The following CEP112 variants were observed in gnomAD, a reference collection of about 807,000 sequenced individuals.
CEP112 encodes the protein centrosomal protein of 112 kDa.
Under a neutral mutation model 153.0 loss-of-function variants are expected in CEP112, and 127 were observed. The ratio of observed to expected loss-of-function variants is 0.83; its 90% CI spans 0.72 to 0.96. The LOEUF is 0.96. Ranked by LOEUF, CEP112 falls within the 40% of genes least tolerant of loss-of-function variation. The pLI, the probability that CEP112 is intolerant of heterozygous loss-of-function variation, is 0.00. For synonymous variants in CEP112, 358 were observed against 374.4 expected (o/e 0.96, Z 0.51); for missense variants, 1,089 against 1,101.2 (o/e 0.99, Z 0.16).
At chr17:65,906,412 T>TATAATA (rs922621341) in intron 19 of CEP112, among the ~76,000 whole-genome samples, 1 of 151,464 alleles carries the variant, frequency 6.6e-6, no homozygotes, top group African/African-American at 2.4e-5. Context: ...GAACTTAAAG[T>TATAATA]ATAATAATAA....
chr17:65,816,081 G>T (rs1016415904), intron 21 of CEP112, among the ~76,000 whole-genome samples: 1 of 151,934 alleles, frequency 6.6e-6, no homozygotes, highest in Non-Finnish European at 1.5e-5. Flanking sequence ...AAATAATATG[G>T]TCTGTCATCA....
At chr17:66,106,944 T>G (rs2068808772) in intron 6 of CEP112, among the ~76,000 whole-genome samples, 1 of 152,010 alleles carries the variant, frequency 6.6e-6, no homozygotes, top group Admixed American at 6.6e-5. Context: ...AAATCATTCA[T>G]CATGACCAAG....
chr17:65,817,871 C>A (rs570324985), intron 21 of CEP112, among the ~76,000 whole-genome samples: 1 of 151,846 alleles, frequency 6.6e-6, no homozygotes, highest in South Asian at 2.1e-4. Flanking sequence ...ATTTGCTTAC[C>A]CCAGGTAAGC....
At position 65,888,887 on chromosome 17, in the gene CEP112, C is replaced by T. The variant is rs536395793; in HGVS notation, c.2163+13265G>A. On this transcript the variant is annotated intron_variant, in intron 20 of 26. Transcript: ENST00000535342. The stretch of plus-strand genomic sequence containing the variant: ...TTAGCTGATCCAAGATATGTTCTCC[C>T]GCTGATCAGCTCCTCAAACTCTTGG... Among the ~76,000 whole-genome samples, 6 of 152,218 alleles carry T rather than the reference C, an allele frequency of 3.9e-5. No individual in the cohort carries two copies. In the East Asian group the frequency reaches 7.7e-4, roughly 20 times the overall value.
chr17:66,107,860 T>A (rs2068852106), intron 6 of CEP112, among the ~76,000 whole-genome samples: 1 of 151,770 alleles, frequency 6.6e-6, no homozygotes, highest in African/African-American at 2.4e-5. Context: ...GCAAAAAGAA[T>A]AAAACTGGAG....
intron 12 of CEP112, among the ~76,000 whole-genome samples, chr17:66,048,686 T>C (rs1349415279): frequency 6.6e-6 from 1 of 152,022 alleles, no homozygotes; most frequent in African/African-American, 2.4e-5. Context: ...CTCGGCTCAC[T>C]GTAACCTCTG....
At chr17:65,753,515 G>C (rs2052020237) in intron 21 of CEP112, among the ~76,000 whole-genome samples, 1 of 152,052 alleles carries the variant, frequency 6.6e-6, no homozygotes, top group African/African-American at 2.4e-5. Flanking sequence ...GTTTCTTCCA[G>C]AATAGAGAGG....
At chr17:65,800,878 T>C (rs1452889145) in intron 21 of CEP112, among the ~76,000 whole-genome samples, 1 of 152,184 alleles carries the variant, frequency 6.6e-6, no homozygotes, top group Non-Finnish European at 1.5e-5. Flanking sequence ...TGAGCATCAG[T>C]GGTGTTGATC....
chr17:66,175,437 C>T (rs1276800405), intron 3 of CEP112, among the ~76,000 whole-genome samples: 1 of 152,036 alleles, frequency 6.6e-6, no homozygotes, highest in Non-Finnish European at 1.5e-5. Flanking sequence ...CTAAGAAATA[C>T]AATAAACAGA....
intron 24 of CEP112, among the ~76,000 whole-genome samples, chr17:65,669,884 CAG>C (rs2046893283): frequency 7.2e-6 from 1 of 138,012 alleles, no homozygotes; most frequent in South Asian, 2.2e-4. Context: ...GCCTGGGCGA[CAG>C]AGCGAGACTT....
At chr17:65,898,549 C>A (rs1032385617) in intron 20 of CEP112, among the ~76,000 whole-genome samples, 1 of 152,086 alleles carries the variant, frequency 6.6e-6, no homozygotes, top group African/African-American at 2.4e-5. Context: ...TCAAGATAAT[C>A]TGTCCATTTA....
chr17:65,862,311 G>A (rs766955986), intron 20 of CEP112, among the ~76,000 whole-genome samples: 5 of 152,162 alleles, frequency 3.3e-5, no homozygotes, highest in Admixed American at 6.5e-5. Flanking sequence ...ATTCTTGGCC[G>A]GGCATAGTGG....
chr17:65,815,240 G>A (rs952079445), intron 21 of CEP112, among the ~76,000 whole-genome samples: 1 of 152,056 alleles, frequency 6.6e-6, no homozygotes, highest in African/African-American at 2.4e-5. Flanking sequence ...TTATCTCCAT[G>A]TGAATACCCA....
chr17:65,971,437 T>A (rs867746965), intron 17 of CEP112, among the ~76,000 whole-genome samples: 100 of 57,884 alleles, frequency 1.7e-3, no homozygotes, highest in African/African-American at 5.0e-3. Context: ...GCATGTTACA[T>A]GGATGCCGCA....
At chr17:65,781,048 G>T (rs2053969089) in intron 21 of CEP112, among the ~76,000 whole-genome samples, 1 of 152,062 alleles carries the variant, frequency 6.6e-6, no homozygotes, top group South Asian at 2.1e-4. Flanking sequence ...TAAAACAGTG[G>T]TCTCAATACT....
At chr17:65,807,196 T>G (rs1334834304) in intron 21 of CEP112, among the ~76,000 whole-genome samples, 2 of 152,198 alleles carry the variant, frequency 1.3e-5, no homozygotes, top group African/African-American at 2.4e-5. Flanking sequence ...CTCTAAAACT[T>G]TAACTCAAGG....
intron 23 of CEP112, among the ~76,000 whole-genome samples, chr17:65,724,058 T>C (rs1249112321): frequency 6.6e-6 from 1 of 150,408 alleles, no homozygotes; most frequent in Non-Finnish European, 1.5e-5. Flanking sequence ...CTTGAAAAAA[T>C]GGGGGTTGTT....
rs559140469 is a variant in CEP112 at position 65,902,157 on chromosome 17, C to A, written c.2158G>T (p.Ala720Ser). The change falls in exon 20 of 27, where the codon GCA becomes TCA. Residue 720 changes from alanine to serine, a missense_variant. Physicochemically the swap from Ala to Ser is moderately conservative, Grantham distance 99. Transcript: ENST00000535342. ...NQIQEFKKRD[A>S]QVIADMEAQV... Reference sequence around the variant, plus strand: ...CAAATATTATTGATAATTACCTGTGCATCTCGTTTCTTGAACTCCTGAATT... The same window carrying A: ...CAAATATTATTGATAATTACCTGTGAATCTCGTTTCTTGAACTCCTGAATT... The A allele has an allele frequency of 3.7e-6, 6 of 1,609,828 alleles. No homozygotes were observed. Among genetic ancestry groups the A allele is most frequent in the Middle Eastern group, 1.7e-4 (1 of 6,050 alleles).
chr17:66,086,920 A>T (rs2067961002), intron 8 of CEP112, among the ~76,000 whole-genome samples: 1 of 152,196 alleles, frequency 6.6e-6, no homozygotes, highest in African/African-American at 2.4e-5. Flanking sequence ...TGAAACTAAG[A>T]TAGTTTTTAC....
Sources: allele counts gnomAD v4.1 joint callset (sites outside exome capture counted in the v4.1 genomes callset), GRCh38; gene constraint gnomAD v4.1.1; transcripts MANE v1.5; gene names NCBI Gene and HGNC (gene_info 2026-07-23, HGNC 2026-07-21).